ARID4B: variants seen among roughly 807,000 people sequenced by gnomAD.
The protein encoded by ARID4B is AT-rich interactive domain-containing protein 4B.
Under a neutral mutation model 147.5 loss-of-function variants are expected in ARID4B, and 26 were observed. That is an observed-to-expected ratio of 0.18 (90% confidence interval 0.13 to 0.24). The LOEUF is 0.24. Ranked by LOEUF, ARID4B falls within the 10% of genes least tolerant of loss-of-function variation. The pLI is 1.00. For synonymous variants in ARID4B, 512 were observed against 507.9 expected (o/e 1.01, Z -0.11); for missense variants, 1,179 against 1,511.5 (o/e 0.78, Z 3.65).
intron 2 of ARID4B, among the ~76,000 whole-genome samples, chr1:235,268,293 G>T (rs1329935351): frequency 6.6e-6 from 1 of 152,032 alleles, no homozygotes; most frequent in African/African-American, 2.4e-5. Context: ...CTACAGAGAA[G>T]TCTAAATATT....
rs1571912138 is a variant in ARID4B, at chr1:235,182,398, T to C, written c.2521A>G (p.Lys841Glu). 1 of 1,609,250 alleles carries C rather than the reference T, an allele frequency of 6.2e-7. No individual in the cohort carries two copies. Among genetic ancestry groups the C allele is most frequent in the East Asian group, 2.2e-5 (1 of 44,856 alleles). The change falls in exon 20 of 24, where the codon AAA (lysine) becomes GAA (glutamate). Residue 841 changes from lysine to glutamate, a missense_variant. Lys to Glu is a moderately conservative substitution (Grantham distance 56). Transcript: ENST00000264183. ...EECLKTGSPG[K>E]KEEKAKNKES... Reference sequence around the variant, plus strand: ...TTGTTCTTGGCCTTCTCTTCCTTTTTGCCAGGTGATCCAGTTTTTAGACAC... The same window carrying C: ...TTGTTCTTGGCCTTCTCTTCCTTTTCGCCAGGTGATCCAGTTTTTAGACAC...
At chr1:235,285,590 T>C (rs1671921057) in intron 2 of ARID4B, among the ~76,000 whole-genome samples, 1 of 152,188 alleles carries the variant, frequency 6.6e-6, no homozygotes, top group African/African-American at 2.4e-5. Context: ...CTATTCTGCA[T>C]TGTTTTGGAG....
intron 2 of ARID4B, among the ~76,000 whole-genome samples, chr1:235,303,977 G>A (rs894489607): frequency 3.3e-5 from 5 of 152,094 alleles, no homozygotes; most frequent in Admixed American, 2.0e-4. Flanking sequence ...TATTTTACAT[G>A]CATCATCATA....
At chr1:235,171,635 G>A (rs575326210) in intron 23 of ARID4B, among the ~76,000 whole-genome samples, 40 of 150,198 alleles carry the variant, frequency 2.7e-4, no homozygotes, top group African/African-American at 9.7e-4. Context: ...AGGAGTTTCT[G>A]GATAGATGTC....
Position 235,199,309 on chromosome 1 carries a change from T to A in ARID4B, c.1842-3194A>T, listed in dbSNP as rs573976130. Among the ~76,000 whole-genome samples the A allele has an allele frequency of 2.6e-5, 4 of 152,338 alleles. No homozygotes were observed. The South Asian group carries it at 8.3e-4, about 32-fold the overall frequency. ...TTTGGCTTCTTTCTATTCTACTTTC[T>A]CAGTGCTTTTATTTGTTTAATTCAG... is the stretch of plus-strand genomic sequence containing the variant. On this transcript the variant is annotated intron_variant, in intron 17 of 23. Transcript: ENST00000264183.
intron 2 of ARID4B, among the ~76,000 whole-genome samples, chr1:235,315,052 T>C (rs1054374625): frequency 4.6e-5 from 7 of 152,174 alleles, no homozygotes; most frequent in African/African-American, 1.2e-4. Flanking sequence ...GATATTCTAG[T>C]TGTCACATTG....
chr1:235,279,996 C>CTCTTG (rs1393269618), intron 2 of ARID4B, among the ~76,000 whole-genome samples: 1 of 152,170 alleles, frequency 6.6e-6, no homozygotes, highest in African/African-American at 2.4e-5. Flanking sequence ...ATAATGCTTC[C>CTCTTG]TATCCTCTTG....
chr1:235,182,634 T>C lies in ARID4B; in HGVS notation c.2285A>G (p.Glu762Gly), dbSNP rs1664395839. ...EEQNSSSLLEENKVHADLVIS... is the reference protein window; with the variant it reads ...EEQNSSSLLEGNKVHADLVIS... The stretch of plus-strand genomic sequence containing the variant: ...TACCAAATCTGCATGAACTTTGTTT[T>C]CTTCTAGCAAAGATGAACTGTTCTG... The change falls in exon 20 of 24, where the codon GAA becomes GGA. Residue 762 changes from glutamate to glycine, a missense_variant. This residue lies in a region of ARID4B where 321 missense variants were observed against 342.4 expected (regional missense o/e 0.94). Coordinates refer to ENST00000264183, the MANE Select transcript of ARID4B (RefSeq NM_016374.6). 1.9e-6 allele frequency: 3 copies of C among 1,613,770 alleles called. No homozygotes were observed. Among genetic ancestry groups the C allele is most frequent in the Admixed American group, 3.3e-5 (2 of 59,990 alleles).
intron 2 of ARID4B, among the ~76,000 whole-genome samples, chr1:235,322,617 T>C (rs1674918820): frequency 1.3e-5 from 2 of 152,218 alleles, no homozygotes. Flanking sequence ...TTCCTACAAT[T>C]ATTTTATGTT....
chr1:235,221,005 C>T (rs990367590), intron 14 of ARID4B, among the ~76,000 whole-genome samples: 1 of 152,156 alleles, frequency 6.6e-6, no homozygotes, highest in South Asian at 2.1e-4. Flanking sequence ...TCAAGCAATT[C>T]TCCTGCCTCA....
At position 235,182,399 on chromosome 1, in the gene ARID4B, G is replaced by C. The variant is rs780154577; in HGVS notation, c.2520C>G (p.Gly840=). The change falls in exon 20 of 24, where the codon GGC becomes GGG. Residue 840 remains glycine, a synonymous_variant. Transcript: ENST00000264183. ...TEECLKTGSP[G]KKEEKAKNKE... ...TGTTCTTGGCCTTCTCTTCCTTTTT[G>C]CCAGGTGATCCAGTTTTTAGACACT... The C allele has an allele frequency of 6.2e-7, 1 of 1,607,562 alleles. No homozygotes were observed. The highest frequency in any genetic ancestry group is 1.1e-5 in the South Asian group (1 of 89,280).
intron 2 of ARID4B, among the ~76,000 whole-genome samples, chr1:235,270,725 C>A (rs1402910847): frequency 1.3e-5 from 2 of 152,182 alleles, no homozygotes; most frequent in Non-Finnish European, 2.9e-5. Flanking sequence ...TGTAACACAG[C>A]CAATCTACTC....
At chr1:235,263,258 T>C (rs1670398941) in intron 2 of ARID4B, among the ~76,000 whole-genome samples, 1 of 152,250 alleles carries the variant, frequency 6.6e-6, no homozygotes, top group Non-Finnish European at 1.5e-5. Flanking sequence ...AAAAGTTGCA[T>C]ATTTGTACCT....
intron 21 of ARID4B, among the ~76,000 whole-genome samples, chr1:235,175,973 A>C (rs1429480759): frequency 2.0e-5 from 3 of 152,232 alleles, no homozygotes; most frequent in Non-Finnish European, 4.4e-5. Flanking sequence ...TGAACAATTC[A>C]GAAGTCTGTG....
chr1:235,306,361 G>A (rs905422785), intron 2 of ARID4B, among the ~76,000 whole-genome samples: 3 of 151,934 alleles, frequency 2.0e-5, no homozygotes, highest in East Asian at 1.9e-4. Context: ...AAATTAGCCA[G>A]GCGTGGTGGC....
chr1:235,238,190 T>A (rs1668747410), intron 8 of ARID4B, among the ~76,000 whole-genome samples: 1 of 144,242 alleles, frequency 6.9e-6, no homozygotes, highest in Non-Finnish European at 1.5e-5. Flanking sequence ...GGAAAGTTTA[T>A]TAATCATGAG....
At chr1:235,199,764 G>T (rs528871536) in intron 17 of ARID4B, among the ~76,000 whole-genome samples, 192 of 152,264 alleles carry the variant, frequency 1.3e-3, no homozygotes, top group African/African-American at 4.5e-3. Context: ...TACAAGCTGA[G>T]ATCACTGACA....
intron 2 of ARID4B, among the ~76,000 whole-genome samples, chr1:235,302,058 T>G (rs1673185926): frequency 2.1e-5 from 3 of 140,194 alleles, no homozygotes; most frequent in Admixed American, 1.6e-4. Context: ...GGTCTCAAAC[T>G]CCTAGGCTCA....
At chr1:235,211,660 C>A (rs1666728375) in intron 17 of ARID4B, among the ~76,000 whole-genome samples, 2 of 152,120 alleles carry the variant, frequency 1.3e-5, no homozygotes, top group Admixed American at 6.5e-5. Flanking sequence ...TTCACTGCAG[C>A]CTCGAATTCC....
Sources: allele counts gnomAD v4.1 joint callset (sites outside exome capture counted in the v4.1 genomes callset), GRCh38; gene constraint gnomAD v4.1.1; regional missense constraint gnomAD v4.1.1; transcripts MANE v1.5; gene names NCBI Gene and HGNC (gene_info 2026-07-23, HGNC 2026-07-21).